The following LARP1 variants were observed in gnomAD, a reference collection of about 807,000 sequenced individuals.
LARP1 encodes la-related protein 1.
LARP1 carries 36 observed loss-of-function variants against 122.7 expected under a neutral mutation model. The observed-to-expected ratio is 0.29, with a 90% CI of 0.22 to 0.39. The LOEUF (loss-of-function observed/expected upper bound fraction) is 0.39. LARP1 is among the 10% of genes least tolerant of loss of function. LARP1 has a pLI of 1.00. For synonymous variants in LARP1, 539 were observed against 528.7 expected, an observed-to-expected ratio of 1.02 and a Z score of -0.27; for missense variants, 1,040 against 1,403.6, an observed-to-expected ratio of 0.74 and a Z score of 4.14.
chr5:154,741,403 G>A (rs1289311539), intron 1 of LARP1, among the ~76,000 whole-genome samples: 2 of 152,210 alleles, frequency 1.3e-5, no homozygotes, highest in Non-Finnish European at 2.9e-5. Context: ...CAGGGTCATG[G>A]AGCTTGCACG....
rs559662751 is a variant in LARP1 at position 154,781,250 on chromosome 5, C to T, written c.437-9075C>T. Among the ~76,000 whole-genome samples the T allele has an allele frequency of 7.2e-5, 11 of 152,204 alleles. No individual in the cohort carries two copies. The South Asian group carries it at 1.7e-3, about 23-fold the overall frequency. On this transcript the variant is annotated intron_variant, in intron 1 of 18. Transcript: ENST00000518297. ...TTCTGAAGTCCAGGGCCTAGGAAAG[C>T]CCAAGGGAGCCCCGCAAGCTGATTG...
chr5:154,785,651 G>T (rs1015423931), intron 1 of LARP1, among the ~76,000 whole-genome samples: 7 of 152,098 alleles, frequency 4.6e-5, no homozygotes, highest in East Asian at 1.9e-4. Flanking sequence ...GCTTAATGGG[G>T]CCCTCTGACT....
intron 15 of LARP1, among the ~76,000 whole-genome samples, chr5:154,807,641 A>G (rs1012762016): frequency 3.0e-4 from 46 of 152,200 alleles, no homozygotes; most frequent in Middle Eastern, 3.4e-3. Flanking sequence ...GTCTCGAACT[A>G]TTGGGCTCAA....
chr5:154,803,156 C>T lies in LARP1; in HGVS notation c.2110-134C>T, dbSNP rs1157333966. On this transcript the variant is annotated intron_variant, in intron 11 of 18. Coordinates refer to ENST00000518297, the MANE Select transcript of LARP1 (RefSeq NM_033551.3). This position sits in a 1 kb window ranked among gnomAD's most constrained non-coding sequence, Gnocchi z 4.4. ...GGAATGGTGACTGGGCAGCTGAGAG[C>T]CTGGGGACCAGAATTCCACGTATGT... 8.5e-7 allele frequency: 1 copy of T among 1,173,978 alleles called. No individual in the cohort carries two copies. Among genetic ancestry groups the T allele is most frequent in the Non-Finnish European group, 1.2e-6 (1 of 809,248 alleles). The allele number at this position is 1,173,978 out of a possible 1,614,324, so 72.7% of individuals were successfully genotyped here.
intron 1 of LARP1, among the ~76,000 whole-genome samples, chr5:154,764,287 G>C (rs1161958928): frequency 1.3e-5 from 2 of 149,924 alleles, no homozygotes; most frequent in African/African-American, 5.0e-5. Flanking sequence ...TCCAGCCTGG[G>C]TGACAGAGCA....
chr5:154,807,535 TTTTC>T (rs1405405888), intron 15 of LARP1, among the ~76,000 whole-genome samples: 1 of 152,178 alleles, frequency 6.6e-6, no homozygotes, highest in Non-Finnish European at 1.5e-5. Context: ...GTTTGTCTAT[TTTTC>T]TTTATTTTTA....
At chr5:154,798,952 C>T (rs1262457663) in intron 8 of LARP1, among the ~76,000 whole-genome samples, 2 of 152,236 alleles carry the variant, frequency 1.3e-5, no homozygotes, top group African/African-American at 4.8e-5. Flanking sequence ...ACAACCTCCA[C>T]CTCCTGGGTT....
At position 154,792,622 on chromosome 5, in the gene LARP1, C is replaced by A; in HGVS notation, c.565C>A (p.Pro189Thr). The change falls in exon 4 of 19, where the codon CCA (proline) becomes ACA (threonine). Residue 189 changes from proline (P) to threonine (T), a missense_variant and splice_region_variant. Pro to Thr is a conservative substitution (Grantham distance 38). Around this residue, in one of 8 missense-constraint regions of LARP1, gnomAD observed 257 missense variants for 273.3 expected, o/e 0.94. Transcript: ENST00000518297. ...ACTGTTACTTTACTTCCTGCTATAG[C>A]CACAGTCCCACAAGCCTCAGCCTAC... ...PGEIAHKSVQ[P>T]QSHKPQPTRK... The A allele has an allele frequency of 6.2e-7, 1 of 1,613,818 alleles. No homozygotes were observed. The highest frequency in any genetic ancestry group is 8.5e-7 in the Non-Finnish European group (1 of 1,179,844).
At chr5:154,798,863 G>T (rs1295589136) in intron 8 of LARP1, among the ~76,000 whole-genome samples, 3 of 151,000 alleles carry the variant, frequency 2.0e-5, no homozygotes, top group Non-Finnish European at 1.5e-5. Flanking sequence ...TTTTTTGTTT[G>T]TTTGTTTGTT....
intron 16 of LARP1, among the ~76,000 whole-genome samples, chr5:154,810,995 T>C (rs1759223544): frequency 1.3e-5 from 2 of 152,208 alleles, no homozygotes; most frequent in African/African-American, 4.8e-5. Flanking sequence ...AAAGCAACCA[T>C]AGATACTTCA....
At chr5:154,746,270 C>G (rs1753193994) in intron 1 of LARP1, among the ~76,000 whole-genome samples, 1 of 152,180 alleles carries the variant, frequency 6.6e-6, no homozygotes, top group Admixed American at 6.5e-5. Flanking sequence ...AGGGCTGGGC[C>G]CTTCTGTCTT....
At chr5:154,797,456 C>T (rs970532095) in intron 8 of LARP1, among the ~76,000 whole-genome samples, 27 of 151,976 alleles carry the variant, frequency 1.8e-4, no homozygotes, top group African/African-American at 6.5e-4. Flanking sequence ...TGGTCTCGAA[C>T]TCCTGACCTC....
At chr5:154,720,486 A>C (rs1461430876) in intron 1 of LARP1, among the ~76,000 whole-genome samples, 1 of 152,256 alleles carries the variant, frequency 6.6e-6, no homozygotes, top group South Asian at 2.1e-4. Context: ...AGGCTGAGGT[A>C]GGAGGATCAC....
At chr5:154,784,248 T>C (rs1385639401) in intron 1 of LARP1, among the ~76,000 whole-genome samples, 3 of 152,206 alleles carry the variant, frequency 2.0e-5, no homozygotes, top group Non-Finnish European at 4.4e-5. Context: ...AAAGCAGCCC[T>C]GTGGTCCCTG....
chr5:154,800,061 C>T lies in LARP1; in HGVS notation c.1716+19C>T, dbSNP rs1196688338. 1.2e-6 allele frequency: 2 copies of T among 1,610,496 alleles called. No individual in the cohort carries two copies. Among genetic ancestry groups the T allele is most frequent in the East Asian group, 2.2e-5 (1 of 44,868 alleles). ...GCCCAAGGTGGGTGAGGCCTTGTCC[C>T]TTGCCTTGGTTCTAGCACTCTGAGC... is the stretch of plus-strand genomic sequence containing the variant. On this transcript the variant is annotated intron_variant, in intron 10 of 18. Transcript: ENST00000518297.
exon 1 of LARP1, among the ~76,000 whole-genome samples, chr5:154,683,017 G>T (rs1047777055): frequency 3.3e-5 from 5 of 152,224 alleles, no homozygotes; most frequent in African/African-American, 1.2e-4. Flanking sequence ...TGCCGGCCGT[G>T]CTGGGAGAGC....
In LARP1 at chr5:154,760,833, G is replaced by A. The variant is rs752020407; in HGVS notation, c.436+4640G>A. On this transcript the variant is annotated intron_variant, in intron 1 of 18. Transcript: ENST00000518297. ...GATGAAGAAAGTTGAGACATCAGTC[G>A]TGCATTGTTGTGGATCTTGTTTGGA... 3.3e-5 allele frequency among the ~76,000 whole-genome samples: 5 copies of A among 152,230 alleles called. No individual in the cohort carries two copies. In the East Asian group the frequency reaches 7.7e-4, roughly 23 times the overall value.
intron 1 of LARP1, among the ~76,000 whole-genome samples, chr5:154,780,391 G>C (rs939799534): frequency 2.6e-5 from 4 of 152,300 alleles, no homozygotes; most frequent in Non-Finnish European, 5.9e-5. Flanking sequence ...TGACAGTATC[G>C]GTAATTTTGG....
At position 154,756,052 on chromosome 5, in the gene LARP1, C is replaced by G. The variant is rs1455465255; in HGVS notation, c.295C>G (p.Pro99Ala). 2.8e-6 allele frequency: 3 copies of G among 1,090,014 alleles called. No individual in the cohort carries two copies. The South Asian group carries it at 6.6e-5, about 24-fold the overall frequency. The allele number at this position is 1,090,014 out of a possible 1,614,324, so 67.5% of individuals were successfully genotyped here. A position where few individuals can be genotyped will look rare whatever the true frequency, so the allele number is the denominator to read the frequency against. The change falls in exon 1 of 19, where the codon CCA becomes GCA. Residue 99 changes from proline to alanine, a missense_variant. This residue lies in a region of LARP1 where 257 missense variants were observed against 273.3 expected (regional missense o/e 0.94). Coordinates refer to ENST00000518297, the MANE Select transcript of LARP1 (RefSeq NM_033551.3). ...CGACGGGGAGGAGGGCGGCGGCGAG[C>G]CAGGCGCTGGCGGAGGAGCTGCCGG... is the stretch of plus-strand genomic sequence containing the variant. ...ISDGEEGGGE[P>A]GAGGGAAGAA... is the part of the protein sequence containing the mutation.
Sources: gnomAD v4.1 joint callset for allele counts (sites outside exome capture counted in the v4.1 genomes callset) on GRCh38, gnomAD v4.1.1 for gene constraint, gnomAD v4.1.1 regional missense constraint, Gnocchi (gnomAD v3.1) non-coding constraint, MANE v1.5 for transcripts, NCBI Gene and HGNC (gene_info 2026-07-23, HGNC 2026-07-21) for gene names.